Variants in AFF3 observed in about 807,000 individuals in gnomAD.
AFF3 encodes the protein AF4/FMR2 family member 3.
In AFF3, 32 loss-of-function variants were observed where a neutral mutation model predicts 129.7. The observed-to-expected ratio is 0.25, with a 90% CI of 0.19 to 0.33. AFF3 has a LOEUF of 0.33. Ranked by LOEUF, AFF3 falls within the 10% of genes least tolerant of loss-of-function variation. The probability of loss-of-function intolerance (pLI) is 1.00; values close to 1 mark genes in which losing one functional copy is unlikely to be tolerated. For synonymous variants in AFF3, 644 were observed against 635.4 expected, an observed-to-expected ratio of 1.01 and a Z score of -0.20; for missense variants, 1,373 against 1,592.0, an observed-to-expected ratio of 0.86 and a Z score of 2.34.
At chr2:99,558,575 G>A (rs990283980) in intron 22 of AFF3, among the ~76,000 whole-genome samples, 21 of 152,094 alleles carry the variant, frequency 1.4e-4, no homozygotes, top group African/African-American at 3.9e-4. Context: ...AGCCGAGATC[G>A]CACCATTGCA....
intron 4 of AFF3, among the ~76,000 whole-genome samples, chr2:100,020,212 C>T (rs562824322): frequency 5.3e-5 from 8 of 152,152 alleles, no homozygotes; most frequent in African/African-American, 1.7e-4. Context: ...TTGGCTAGCA[C>T]TGCCCTTCAG....
intron 8 of AFF3, among the ~76,000 whole-genome samples, chr2:99,788,369 G>T (rs1352487524): frequency 1.3e-5 from 2 of 152,176 alleles, no homozygotes; most frequent in Non-Finnish European, 2.9e-5. Flanking sequence ...AGTGGGACAA[G>T]ATGTGGAGGT....
chr2:100,130,847 G>C (rs2105587786), intron 1 of AFF3, among the ~76,000 whole-genome samples: 1 of 152,188 alleles, frequency 6.6e-6, no homozygotes, highest in East Asian at 1.9e-4. Context: ...TGAGATGACA[G>C]AGGGCACCTG....
In AFF3 at chr2:99,614,898, C is replaced by T. The variant is rs550574460; in HGVS notation, c.1185-13277G>A. 5.9e-4 allele frequency among the ~76,000 whole-genome samples: 90 copies of T among 152,218 alleles called. No homozygotes were observed. The South Asian group carries it at 6.9e-3, about 12-fold the overall frequency. On this transcript the variant is annotated intron_variant, in intron 13 of 24. Coordinates refer to ENST00000672756, the MANE Select transcript of AFF3 (RefSeq NM_001386135.1). ...TTACTTTCAGTTGAATAAAGACCCA[C>T]GTGTGGCCCCACCAAAGATAAAGGC...
chr2:99,801,355 C>G (rs751506618), intron 8 of AFF3, among the ~76,000 whole-genome samples: 12 of 152,172 alleles, frequency 7.9e-5, no homozygotes, highest in African/African-American at 1.2e-4. Flanking sequence ...CTTCTCTAAC[C>G]TTAGTCCAAA....
chr2:100,064,885 C>T (rs1276980391), intron 4 of AFF3, among the ~76,000 whole-genome samples: 2 of 152,218 alleles, frequency 1.3e-5, no homozygotes, highest in Non-Finnish European at 2.9e-5. Flanking sequence ...CCATATACAT[C>T]AGCTAGCCAG....
At chr2:100,141,868 A>G (rs971379600) in intron 1 of AFF3, among the ~76,000 whole-genome samples, 2 of 152,074 alleles carry the variant, frequency 1.3e-5, no homozygotes, top group Non-Finnish European at 2.9e-5. Flanking sequence ...ACATACACAG[A>G]CACACACACA....
intron 7 of AFF3, among the ~76,000 whole-genome samples, chr2:99,883,611 T>C (rs1347130271): frequency 1.3e-5 from 2 of 152,234 alleles, no homozygotes; most frequent in Non-Finnish European, 2.9e-5. Flanking sequence ...TTTTTTCTTT[T>C]GGCAAGCCAT....
rs569685896 is a variant in AFF3 at position 99,711,503 on chromosome 2, T to C, written c.1091+15574A>G. 5.9e-5 allele frequency among the ~76,000 whole-genome samples: 9 copies of C among 152,254 alleles called. No individual in the cohort carries two copies. In the South Asian group the frequency reaches 1.7e-3, roughly 28 times the overall value. On this transcript the variant is annotated intron_variant, in intron 11 of 24. Coordinates refer to ENST00000672756, the MANE Select transcript of AFF3 (RefSeq NM_001386135.1). Reference sequence around the variant, plus strand: ...TGAGAAGGGGTCAGCATTAGAGGCATGCGGGTGCAAAGAGAACCTGCGATC... The same window carrying C: ...TGAGAAGGGGTCAGCATTAGAGGCACGCGGGTGCAAAGAGAACCTGCGATC...
At chr2:99,620,824 G>A (rs2105302212) in intron 13 of AFF3, among the ~76,000 whole-genome samples, 1 of 152,222 alleles carries the variant, frequency 6.6e-6, no homozygotes, top group East Asian at 1.9e-4. Context: ...GTTTATGCAA[G>A]AGCTGGCTGT....
chr2:100,055,679 T>C (rs1481912370), intron 4 of AFF3, among the ~76,000 whole-genome samples: 5 of 152,144 alleles, frequency 3.3e-5, no homozygotes, highest in Admixed American at 2.0e-4. Flanking sequence ...GCAAATATTA[T>C]AGGCTTTGCG....
chr2:99,758,308 A>C lies in AFF3; in HGVS notation c.922-6007T>G, dbSNP rs373091701. Reference sequence around the variant, plus strand: ...TAAAAATCTTCACATGCGGTCGGGCAGAGTGGCTCATGCCTGTAATCCCAG... The same window carrying C: ...TAAAAATCTTCACATGCGGTCGGGCCGAGTGGCTCATGCCTGTAATCCCAG... On this transcript the variant is annotated intron_variant, in intron 8 of 24. Coordinates refer to ENST00000672756, the MANE Select transcript of AFF3 (RefSeq NM_001386135.1). Among the ~76,000 whole-genome samples the C allele has an allele frequency of 2.0e-5, 3 of 152,332 alleles. No homozygotes were observed. In the East Asian group the frequency reaches 5.8e-4, roughly 29 times the overall value.
chr2:100,064,643 C>G (rs1187489134), intron 4 of AFF3, among the ~76,000 whole-genome samples: 1 of 152,100 alleles, frequency 6.6e-6, no homozygotes, highest in Non-Finnish European at 1.5e-5. Flanking sequence ...CAGAAGAAAC[C>G]AAGTCTATCT....
chr2:100,112,697 A>G (rs1691561060), intron 2 of AFF3, among the ~76,000 whole-genome samples: 1 of 152,116 alleles, frequency 6.6e-6, no homozygotes, highest in Admixed American at 6.5e-5. Context: ...CTCCAATGGA[A>G]GAAAAAAAGA....
intron 4 of AFF3, among the ~76,000 whole-genome samples, chr2:100,037,112 G>A (rs1228303245): frequency 6.6e-6 from 1 of 151,734 alleles, no homozygotes; most frequent in African/African-American, 2.4e-5. Context: ...AGCAATGTGT[G>A]CAATGATTTC....
At chr2:99,645,229 G>A (rs1480507452) in intron 13 of AFF3, among the ~76,000 whole-genome samples, 2 of 152,150 alleles carry the variant, frequency 1.3e-5, no homozygotes, top group Non-Finnish European at 2.9e-5. Flanking sequence ...CAGGGCACGG[G>A]GAGAGCTGAG....
chr2:100,085,762 C>G (rs1165344041), intron 4 of AFF3, among the ~76,000 whole-genome samples: 1 of 152,174 alleles, frequency 6.6e-6, no homozygotes, highest in Non-Finnish European at 1.5e-5. Context: ...AGAGTCCAGA[C>G]TCTATAGCTA....
chr2:99,950,817 G>A (rs942530040), intron 7 of AFF3, among the ~76,000 whole-genome samples: 2 of 152,184 alleles, frequency 1.3e-5, no homozygotes, highest in African/African-American at 4.8e-5. Flanking sequence ...CTCTTGAGAA[G>A]CTGAAAACGT....
chr2:99,768,784 T>G (rs1022749799), intron 8 of AFF3, among the ~76,000 whole-genome samples: 2 of 151,952 alleles, frequency 1.3e-5, no homozygotes, highest in Non-Finnish European at 2.9e-5. Flanking sequence ...GGGGTAAAAG[T>G]TTTTTTTCCT....
Sources: allele counts gnomAD v4.1 joint callset (sites outside exome capture counted in the v4.1 genomes callset), GRCh38; gene constraint gnomAD v4.1.1; transcripts MANE v1.5; gene names NCBI Gene and HGNC (gene_info 2026-07-23, HGNC 2026-07-21).